Variants in TAFA1 observed in about 807,000 individuals in gnomAD.
TAFA1 encodes chemokine-like protein TAFA-1.
In TAFA1, 4 loss-of-function variants were observed where a neutral mutation model predicts 18.5. That is an observed-to-expected ratio of 0.22 (90% CI 0.11 to 0.49). The LOEUF (loss-of-function observed/expected upper bound fraction) is 0.49. Ranked by LOEUF, TAFA1 falls within the 20% of genes least tolerant of loss-of-function variation. The probability of loss-of-function intolerance (pLI) is 0.98; values close to 1 mark genes in which losing one functional copy is unlikely to be tolerated. For synonymous variants in TAFA1, 56 were observed against 55.2 expected (o/e 1.01, Z -0.06); for missense variants, 147 against 169.0 (o/e 0.87, Z 0.72).
chr3:68,438,927 G>C (rs927698842), intron 3 of TAFA1, among the ~76,000 whole-genome samples: 4 of 152,104 alleles, frequency 2.6e-5, no homozygotes, highest in African/African-American at 9.7e-5. Flanking sequence ...TGAGCAGCAA[G>C]CCCATGTAGA....
chr3:68,294,609 G>A (rs2068174311), intron 2 of TAFA1, among the ~76,000 whole-genome samples: 1 of 152,098 alleles, frequency 6.6e-6, no homozygotes, highest in Non-Finnish European at 1.5e-5. Context: ...CCTGGGCCAG[G>A]CATGGTGGCT....
intron 2 of TAFA1, among the ~76,000 whole-genome samples, chr3:68,299,619 A>G (rs532167164): frequency 6.6e-6 from 1 of 152,352 alleles, no homozygotes; most frequent in African/African-American, 2.4e-5. Flanking sequence ...CATCAAAACG[A>G]TGGAGAAAAT....
chr3:68,224,272 CT>C (rs1198199131), intron 2 of TAFA1, among the ~76,000 whole-genome samples: 8 of 152,100 alleles, frequency 5.3e-5, no homozygotes, highest in Non-Finnish European at 1.2e-4. Flanking sequence ...AAGTGGGTGT[CT>C]TCCACCTCAG....
At chr3:68,531,039 C>CAA (rs1312087369) in intron 3 of TAFA1, among the ~76,000 whole-genome samples, 1 of 151,446 alleles carries the variant, frequency 6.6e-6, no homozygotes, top group Non-Finnish European at 1.5e-5. Flanking sequence ...CAAAACAAAA[C>CAA]AAAACAAAAC....
intron 2 of TAFA1, among the ~76,000 whole-genome samples, chr3:68,059,237 A>C (rs1330928016): frequency 6.6e-6 from 1 of 152,154 alleles, no homozygotes; most frequent in Non-Finnish European, 1.5e-5. Flanking sequence ...TGCCAGGCAC[A>C]GCACTAATCA....
intron 2 of TAFA1, among the ~76,000 whole-genome samples, chr3:68,308,643 C>A (rs1043683918): frequency 6.6e-6 from 1 of 152,142 alleles, no homozygotes; most frequent in African/African-American, 2.4e-5. Flanking sequence ...TTTCATCATC[C>A]TCCTCCTTTA....
chr3:68,444,252 TC>T (rs2071435618), intron 3 of TAFA1, among the ~76,000 whole-genome samples: 1 of 152,178 alleles, frequency 6.6e-6, no homozygotes, highest in South Asian at 2.1e-4. Context: ...TCAGTGCTAG[TC>T]TTTTGGGTAA....
the TAFA1 span, among the ~76,000 whole-genome samples, chr3:67,994,309 C>A: frequency 1.3e-5 from 2 of 152,192 alleles, no homozygotes; most frequent in African/African-American, 4.8e-5. Flanking sequence ...GAGTTCCAGG[C>A]CCAGCTCTAG....
At chr3:68,215,645 A>C (rs1323948726) in intron 2 of TAFA1, among the ~76,000 whole-genome samples, 1 of 152,096 alleles carries the variant, frequency 6.6e-6, no homozygotes, top group Non-Finnish European at 1.5e-5. Flanking sequence ...AATGACAAAA[A>C]TCTTAAAAAC....
chr3:68,389,736 A>G (rs1407843703), intron 2 of TAFA1, among the ~76,000 whole-genome samples: 1 of 151,870 alleles, frequency 6.6e-6, no homozygotes, highest in Non-Finnish European at 1.5e-5. Context: ...GTGGGGTGTT[A>G]CCCCACCCAG....
intron 2 of TAFA1, among the ~76,000 whole-genome samples, chr3:68,121,727 T>C (rs1328166706): frequency 6.6e-6 from 1 of 152,202 alleles, no homozygotes; most frequent in Non-Finnish European, 1.5e-5. Flanking sequence ...CATACCTTTG[T>C]CATCTAGATC....
intron 2 of TAFA1, among the ~76,000 whole-genome samples, chr3:68,319,499 G>A (rs10155009): frequency 0.81 from 123,419 of 152,140 alleles, 50,429 homozygotes; most frequent in East Asian, 0.91. Context: ...CATCCCCAGC[G>A]AATAATTATT....
chr3:68,472,567 A>T (rs1274908906), intron 3 of TAFA1, among the ~76,000 whole-genome samples: 1 of 152,032 alleles, frequency 6.6e-6, no homozygotes, highest in Non-Finnish European at 1.5e-5. Flanking sequence ...TTTGAACAAG[A>T]TAAGTAGATT....
chr3:68,331,867 T>C (rs1324216608), intron 2 of TAFA1, among the ~76,000 whole-genome samples: 1 of 133,640 alleles, frequency 7.5e-6, no homozygotes, highest in African/African-American at 2.8e-5. Context: ...TTTTTTTTTT[T>C]TTTTTTTTTT....
intron 2 of TAFA1, among the ~76,000 whole-genome samples, chr3:68,074,620 T>C (rs6548970): frequency 0.96 from 146,707 of 152,300 alleles, 70,679 homozygotes; most frequent in South Asian, 0.97. Context: ...ACCCTGACTG[T>C]GAGAGAGATT....
chr3:68,085,657 G>T (rs1004619190), intron 2 of TAFA1, among the ~76,000 whole-genome samples: 4 of 151,980 alleles, frequency 2.6e-5, no homozygotes, highest in African/African-American at 9.7e-5. Context: ...ATTTGTTTTT[G>T]ATTTTTATCC....
At chr3:68,441,571 G>T (rs1464628049) in intron 3 of TAFA1, among the ~76,000 whole-genome samples, 2 of 152,118 alleles carry the variant, frequency 1.3e-5, no homozygotes, top group Non-Finnish European at 2.9e-5. Flanking sequence ...TAGCCATAAA[G>T]TGGGTTGTGC....
In TAFA1 at chr3:68,060,484, G is replaced by C. The variant is rs140571060; in HGVS notation, c.118+53740G>C. Among the ~76,000 whole-genome samples, 178 of 152,302 alleles carry C rather than the reference G, an allele frequency of 1.2e-3. 3 individuals carry two copies. Among genetic ancestry groups the C allele is most frequent in the African/African-American group, 4.1e-3 (171 of 41,576 alleles). Reference sequence around the variant, plus strand: ...TAGGCCATAACACTTTACCTTGACGGAGTGAAACTAGGCCGGTAGAATTTC... The same window carrying C: ...TAGGCCATAACACTTTACCTTGACGCAGTGAAACTAGGCCGGTAGAATTTC... On this transcript the variant is annotated intron_variant, in intron 2 of 4. Coordinates refer to ENST00000478136, the MANE Select transcript of TAFA1 (RefSeq NM_213609.4).
At chr3:68,251,393 C>G (rs1475701776) in intron 2 of TAFA1, among the ~76,000 whole-genome samples, 8 of 152,220 alleles carry the variant, frequency 5.3e-5, no homozygotes, top group Non-Finnish European at 1.2e-4. Context: ...TGCCACTTCT[C>G]TGTTAGGAGT....
Sources: gnomAD v4.1 joint callset for allele counts (sites outside exome capture counted in the v4.1 genomes callset) on GRCh38, gnomAD v4.1.1 for gene constraint, MANE v1.5 for transcripts, NCBI Gene and HGNC (gene_info 2026-07-23, HGNC 2026-07-21) for gene names.